RRAS2: variants seen among roughly 807,000 people sequenced by gnomAD.
RRAS2 encodes the protein ras-related protein R-Ras2.
A neutral mutation model predicts 27.6 loss-of-function variants in RRAS2; 7 were observed. That is an observed-to-expected ratio of 0.25 (90% CI 0.14 to 0.48). The LOEUF is 0.48. Ranked by LOEUF, RRAS2 falls within the 20% of genes least tolerant of loss-of-function variation. RRAS2 has a pLI of 0.99. For missense variants in RRAS2, 178 were observed against 256.2 expected, an observed-to-expected ratio of 0.69 and a Z score of 2.08; for synonymous variants, 86 against 90.9, an observed-to-expected ratio of 0.95 and a Z score of 0.31.
chr11:14,331,603 C>T (rs1848482296), intron 1 of RRAS2, among the ~76,000 whole-genome samples: 1 of 148,026 alleles, frequency 6.8e-6, no homozygotes, highest in Non-Finnish European at 1.5e-5. Flanking sequence ...ATTCAGGAGA[C>T]TGGCGGGAGG....
Position 14,279,283 on chromosome 11 carries a change from G to A in RRAS2, c.*54C>T. ...ACCAACAAGATGTAAACTGAGGAGAGAAAGAGAAGATGAGGGCTTTTCCTG... is the reference window on the plus strand; with the variant it reads ...ACCAACAAGATGTAAACTGAGGAGAAAAAGAGAAGATGAGGGCTTTTCCTG... On this transcript the variant is annotated 3_prime_UTR_variant, in exon 6 of 6. Coordinates refer to ENST00000256196, the MANE Select transcript of RRAS2 (RefSeq NM_012250.6). 8.1e-7 allele frequency: 1 copy of A among 1,230,084 alleles called. No individual in the cohort carries two copies. Among genetic ancestry groups the A allele is most frequent in the Non-Finnish European group, 1.2e-6 (1 of 830,818 alleles). The allele number at this position is 1,230,084 out of a possible 1,614,324, so 76.2% of individuals were successfully genotyped here.
At chr11:14,338,082 A>G (rs986195585) in intron 1 of RRAS2, among the ~76,000 whole-genome samples, 5 of 152,322 alleles carry the variant, frequency 3.3e-5, no homozygotes, top group Admixed American at 6.5e-5. Context: ...TTTAAAAGTT[A>G]TATTATAAAC....
chr11:14,298,177 T>C (rs1299331735), intron 1 of RRAS2, among the ~76,000 whole-genome samples: 2 of 152,240 alleles, frequency 1.3e-5, no homozygotes, highest in Non-Finnish European at 2.9e-5. Flanking sequence ...TTAAGATTCA[T>C]TTCTTGAAAC....
chr11:14,296,191 TAAATA>T lies in RRAS2; in HGVS notation c.109-341_109-337del, dbSNP rs1233979471. Among the ~76,000 whole-genome samples, 8 of 151,574 alleles carry T rather than the reference TAAATA, an allele frequency of 5.3e-5. No homozygotes were observed. The South Asian group carries it at 1.5e-3, about 28-fold the overall frequency. On this transcript the variant is annotated intron_variant, in intron 1 of 5. Coordinates refer to ENST00000256196, the MANE Select transcript of RRAS2 (RefSeq NM_012250.6). ...CAAGACCCTGTCTCAAAAATAAAAA[TAAATA>T]AAATAAATAGAATAAAAAATAAAAT...
At chr11:14,364,031 T>C (rs999972709), upstream of RRAS2, among the ~76,000 whole-genome samples, 2 of 151,922 alleles carry the variant, frequency 1.3e-5, no homozygotes, top group East Asian at 1.9e-4. Context: ...AATCACACCA[T>C]TGCACTCCAG....
At chr11:14,355,886 A>G (rs546568275) in intron 1 of RRAS2, among the ~76,000 whole-genome samples, 1 of 152,208 alleles carries the variant, frequency 6.6e-6, no homozygotes, top group Non-Finnish European at 1.5e-5. Flanking sequence ...TGGTGGAATG[A>G]ATTTTAACAT....
chr11:14,294,712 A>C (rs781941688), intron 3 of RRAS2, 48 bp downstream of exon 3: 1 of 1,568,384 alleles, frequency 6.4e-7, no homozygotes, highest in South Asian at 1.1e-5. Flanking sequence ...AATAAAGTCT[A>C]GTGATCTTGA....
chr11:14,307,056 TG>T (rs1847847004), intron 1 of RRAS2, among the ~76,000 whole-genome samples: 3 of 151,914 alleles, frequency 2.0e-5, no homozygotes, highest in Admixed American at 2.0e-4. Context: ...CAGGGCATGA[TG>T]GCACATGCCT....
intron 1 of RRAS2, among the ~76,000 whole-genome samples, chr11:14,330,660 A>AC (rs1262770350): frequency 2.6e-4 from 39 of 152,134 alleles, no homozygotes; most frequent in Admixed American, 4.6e-4. Flanking sequence ...CATTAAAAAA[A>AC]ATTTTTTTTT....
chr11:14,326,897 A>G (rs1554951073), intron 1 of RRAS2, among the ~76,000 whole-genome samples: 1 of 66,096 alleles, frequency 1.5e-5, no homozygotes, highest in African/African-American at 4.0e-5. Flanking sequence ...CGTCTCTACT[A>G]AAAATACAAA....
chr11:14,316,361 G>A lies in RRAS2; in HGVS notation c.109-20506C>T, dbSNP rs782541601. ...GAAAGACAGAAGGGGTACAAAGGAG[G>A]GAAAAGTAGGAATAGCATTTAACTA... On this transcript the variant is annotated intron_variant, in intron 1 of 5. Transcript: ENST00000256196. Among the ~76,000 whole-genome samples, 21 of 152,138 alleles carry A rather than the reference G, an allele frequency of 1.4e-4. 1 individual carries two copies. Among genetic ancestry groups the A allele is most frequent in the Non-Finnish European group, 2.8e-4 (19 of 68,024 alleles).
At chr11:14,310,573 A>G (rs560500387) in intron 1 of RRAS2, among the ~76,000 whole-genome samples, 18 of 152,326 alleles carry the variant, frequency 1.2e-4, no homozygotes, top group Non-Finnish European at 2.4e-4. Context: ...AGTAATCATA[A>G]TAACAGTGAC....
chr11:14,329,011 G>GTATA lies in RRAS2; in HGVS notation c.108+29748_108+29751dup, dbSNP rs199601519. ...TGTGTGTGTGTGTGTGTGTGTGTGT[G>GTATA]TATATATATATATATATACACACAC... On this transcript the variant is annotated intron_variant, in intron 1 of 5. Coordinates refer to ENST00000256196, the MANE Select transcript of RRAS2 (RefSeq NM_012250.6). 2.6e-3 allele frequency among the ~76,000 whole-genome samples: 361 copies of GTATA among 137,792 alleles called. 1 individual carries two copies. The highest frequency in any genetic ancestry group is 4.5e-3 in the African/African-American group (166 of 37,060). The allele number at this position is 137,792 out of a possible 152,430, so 90.4% of individuals were successfully genotyped here.
At chr11:14,307,964 G>A (rs569363604) in intron 1 of RRAS2, among the ~76,000 whole-genome samples, 24 of 152,200 alleles carry the variant, frequency 1.6e-4, no homozygotes, top group Admixed American at 7.2e-4. Context: ...TGTTCATAGT[G>A]AAATGTCTTT....
At chr11:14,317,661 T>C (rs1388052318) in intron 1 of RRAS2, among the ~76,000 whole-genome samples, 1 of 152,208 alleles carries the variant, frequency 6.6e-6, no homozygotes, top group Non-Finnish European at 1.5e-5. Context: ...AATTCAAAGG[T>C]AATTACTTTT....
intron 1 of RRAS2, among the ~76,000 whole-genome samples, chr11:14,318,718 G>A (rs897248542): frequency 6.6e-6 from 1 of 152,212 alleles, no homozygotes; most frequent in Admixed American, 6.5e-5. Context: ...TGTTTCCTGA[G>A]GAAGGCAGAG....
chr11:14,325,350 C>T (rs1848329977), intron 1 of RRAS2, among the ~76,000 whole-genome samples: 2 of 144,716 alleles, frequency 1.4e-5, no homozygotes, highest in South Asian at 2.2e-4. Context: ...CTCGCTCTGT[C>T]GCCCACGCTG....
intron 4 of RRAS2, 99 bp from the exon 5 acceptor site, chr11:14,281,819 C>T (rs1224791526): frequency 1.5e-5 from 16 of 1,040,482 alleles, no homozygotes; most frequent in Admixed American, 2.6e-5. Flanking sequence ...AGCCAAGAGG[C>T]CAAGTTGTTT....
chr11:14,336,210 C>T (rs1554952535), intron 1 of RRAS2, among the ~76,000 whole-genome samples: 1 of 152,198 alleles, frequency 6.6e-6, no homozygotes, highest in Non-Finnish European at 1.5e-5. Context: ...GGAATCTAGA[C>T]ACCTGCCTCA....
Sources: gnomAD v4.1 joint callset for allele counts (sites outside exome capture counted in the v4.1 genomes callset) on GRCh38, gnomAD v4.1.1 for gene constraint, MANE v1.5 for transcripts, NCBI Gene and HGNC (gene_info 2026-07-23, HGNC 2026-07-21) for gene names.